HERC1: variants seen among roughly 807,000 people sequenced by gnomAD.
The protein encoded by HERC1 is probable E3 ubiquitin-protein ligase HERC1.
Under a neutral mutation model 554.3 loss-of-function variants are expected in HERC1, and 160 were observed. The ratio of observed to expected loss-of-function variants is 0.29; its 90% CI spans 0.25 to 0.33. The LOEUF (loss-of-function observed/expected upper bound fraction) is 0.33, where lower values mean the gene tolerates loss of function less well. Ranked by LOEUF, HERC1 falls within the 10% of genes least tolerant of loss-of-function variation. The probability of loss-of-function intolerance (pLI) is 1.00; values close to 1 mark genes in which losing one functional copy is unlikely to be tolerated. For missense variants in HERC1, 4,919 were observed against 5,918.5 expected (o/e 0.83, Z 5.54); for synonymous variants, 2,175 against 2,131.7 (o/e 1.02, Z -0.56).
Position 63,712,785 on chromosome 15 carries a change from C to T in HERC1, c.4574G>A (p.Gly1525Asp). 1 of 1,613,766 alleles carries T rather than the reference C, an allele frequency of 6.2e-7. No homozygotes were observed. The highest frequency in any genetic ancestry group is 8.5e-7 in the Non-Finnish European group (1 of 1,179,768). The change falls in exon 24 of 78, where the codon GGT becomes GAT. Residue 1525 changes from glycine (G) to aspartate (D), a missense_variant. Physicochemically the swap from Gly to Asp is moderately conservative, Grantham distance 94. Coordinates refer to ENST00000443617, the MANE Select transcript of HERC1 (RefSeq NM_003922.4). Reference sequence around the variant, plus strand: ...TCTGGGTATACCTACCAGTGCGTAACCCTCTTCATCTGATTCAGGCTGAGA... The same window carrying T: ...TCTGGGTATACCTACCAGTGCGTAATCCTCTTCATCTGATTCAGGCTGAGA... ...DLSQPESDEE[G>D]YALSGRRNVD... is the part of the protein sequence containing the mutation.
At chr15:63,728,430 G>GA (rs1356415781) in intron 16 of HERC1, among the ~76,000 whole-genome samples, 1 of 152,146 alleles carries the variant, frequency 6.6e-6, no homozygotes, top group East Asian at 1.9e-4. Flanking sequence ...AGCTCAGTTT[G>GA]AAAATATTTT....
In HERC1 at chr15:63,638,546, C is replaced by A. The variant is rs1030953523; in HGVS notation, c.11968-10G>T. The A allele has an allele frequency of 1.2e-6, 2 of 1,613,570 alleles. No individual in the cohort carries two copies. The highest frequency in any genetic ancestry group is 1.7e-5 in the Admixed American group (1 of 59,972). ...CTCCCAGGTGCCAGTCCTAGAAAAC[C>A]ACAATCATCTCAAAATTAGAGTCAT... On this transcript the variant is annotated splice_polypyrimidine_tract_variant and intron_variant, in intron 62 of 77. Coordinates refer to ENST00000443617, the MANE Select transcript of HERC1 (RefSeq NM_003922.4).
rs1292591269 is a variant in HERC1 at position 63,624,312 on chromosome 15, A to G, written c.13291T>C (p.Tyr4431His). The change falls in exon 72 of 78, where the codon TAT (tyrosine) becomes CAT (histidine). Residue 4431 changes from tyrosine (Y) to histidine (H), a missense_variant. Tyr to His is a moderately conservative substitution (Grantham distance 83). Coordinates refer to ENST00000443617, the MANE Select transcript of HERC1 (RefSeq NM_003922.4). The part of the protein sequence containing the change: ...SPNNQNSTSH[Y>H]NAGTWGIVQG... ...ACAATGCCCCAAGTTCCAGCATTAT[A>G]ATGGGATGTGCTGTTCTGTAACAGA... The G allele has an allele frequency of 3.7e-6, 6 of 1,610,110 alleles. No individual in the cohort carries two copies. The highest frequency in any genetic ancestry group is 5.1e-6 in the Non-Finnish European group (6 of 1,177,368).
chr15:63,729,972 G>A (rs569021763), intron 14 of HERC1, among the ~76,000 whole-genome samples: 4 of 141,526 alleles, frequency 2.8e-5, no homozygotes, highest in South Asian at 4.4e-4. Flanking sequence ...GTTGCAGTGA[G>A]CCAAGATCAC....
chr15:63,651,668 C>G (rs543322574), intron 52 of HERC1, among the ~76,000 whole-genome samples: 1 of 152,166 alleles, frequency 6.6e-6, no homozygotes, highest in Non-Finnish European at 1.5e-5. Flanking sequence ...GGTTATTATT[C>G]AGAAGACATT....
chr15:63,713,575 G>C lies in HERC1; in HGVS notation c.4241C>G (p.Ala1414Gly). The change falls in exon 23 of 78, where the codon GCT (alanine) becomes GGT (glycine). Residue 1414 changes from alanine (A) to glycine (G), a missense_variant. Coordinates refer to ENST00000443617, the MANE Select transcript of HERC1 (RefSeq NM_003922.4). ...MNSGAGSGARADDPPPQSQQE... is the reference protein window; with the variant it reads ...MNSGAGSGARGDDPPPQSQQE... ...CTGAGACTGAGGAGGTGGATCATCA[G>C]CTCGAGCCCCAGACCCTGCCCCACT... The C allele has an allele frequency of 3.7e-6, 6 of 1,613,920 alleles. No individual in the cohort carries two copies. Among genetic ancestry groups the C allele is most frequent in the Non-Finnish European group, 5.1e-6 (6 of 1,179,880 alleles).
At chr15:63,618,280 T>C (rs1595826090) in intron 74 of HERC1, among the ~76,000 whole-genome samples, 1 of 152,204 alleles carries the variant, frequency 6.6e-6, no homozygotes, top group East Asian at 1.9e-4. Context: ...CCCCATTTGT[T>C]TCTGTCAGGT....
chr15:63,773,424 A>G (rs2076010162), intron 2 of HERC1, among the ~76,000 whole-genome samples: 1 of 147,386 alleles, frequency 6.8e-6, no homozygotes, highest in Non-Finnish European at 1.5e-5. Context: ...CGCCTGGGTG[A>G]CAAGAGCTAG....
chr15:63,738,878 C>G (rs897994418), intron 12 of HERC1, among the ~76,000 whole-genome samples: 1 of 152,128 alleles, frequency 6.6e-6, no homozygotes, highest in Non-Finnish European at 1.5e-5. Context: ...TTACACTACC[C>G]CGTTTCTGAT....
At chr15:63,789,108 T>G (rs2076548985) in intron 1 of HERC1, among the ~76,000 whole-genome samples, 2 of 71,374 alleles carry the variant, frequency 2.8e-5, no homozygotes, top group African/African-American at 1.1e-4. Context: ...TTTTTTTTTT[T>G]GAGACGGAGT....
chr15:63,722,364 A>G (rs535066270), intron 19 of HERC1, among the ~76,000 whole-genome samples: 1 of 152,348 alleles, frequency 6.6e-6, no homozygotes, highest in African/African-American at 2.4e-5. Context: ...CCTTTCAGTC[A>G]TTAAACCATG....
Position 63,696,143 on chromosome 15 carries a change from C to T in HERC1, c.5102G>A (p.Gly1701Asp). ...VGHTGGKGESGRLHHYQDGIR... is the reference protein window; with the variant it reads ...VGHTGGKGESDRLHHYQDGIR... ...ACCTACCTGATAGTGATGCAATCGG[C>T]CACTCTCTCCCTTGCCTCCTGTGTG... Residue 1701 changes from glycine (G) to aspartate (D), a missense_variant, in exon 27 of 78, where the codon GGC becomes GAC. Physicochemically the swap from Gly to Asp is moderately conservative, Grantham distance 94. Transcript: ENST00000443617. 1 of 1,612,638 alleles carries T rather than the reference C, an allele frequency of 6.2e-7. No homozygotes were observed. The highest frequency in any genetic ancestry group is 8.5e-7 in the Non-Finnish European group (1 of 1,179,074).
At chr15:63,644,335 A>G (rs2069219559) in intron 57 of HERC1, among the ~76,000 whole-genome samples, 1 of 152,220 alleles carries the variant, frequency 6.6e-6, no homozygotes, top group Non-Finnish European at 1.5e-5. Flanking sequence ...AGTGTTTTAA[A>G]CAATTTTAAG....
rs71131178 is a variant in HERC1 at position 63,789,078 on chromosome 15, G to GTT, written c.-26-13431_-26-13430dup. On this transcript the variant is annotated intron_variant, in intron 1 of 77. Coordinates refer to ENST00000443617, the MANE Select transcript of HERC1 (RefSeq NM_003922.4). ...TCTACTAATAAAGCAGGAATAAAAG[G>GTT]TTTTTTTTTTTTTTTTTTTTTTTTT... 1.4e-3 allele frequency among the ~76,000 whole-genome samples: 117 copies of GTT among 83,606 alleles called. 7 individuals carry two copies. Among genetic ancestry groups the GTT allele is most frequent in the Middle Eastern group, 7.1e-3 (1 of 140 alleles). 54.8% of individuals were successfully genotyped at this position (83,606 alleles called of 152,430 possible).
At chr15:63,646,828 AC>A (rs1400722338) in intron 55 of HERC1, among the ~76,000 whole-genome samples, 61 of 104,404 alleles carry the variant, frequency 5.8e-4, no homozygotes, top group African/African-American at 1.5e-3. Context: ...AAACAAACAA[AC>A]AAAAACAAAA....
At chr15:63,722,875 G>C (rs1218678404) in intron 19 of HERC1, among the ~76,000 whole-genome samples, 1 of 152,040 alleles carries the variant, frequency 6.6e-6, no homozygotes, top group African/African-American at 2.4e-5. Flanking sequence ...AATCTACTGG[G>C]AGTCTTGGAA....
chr15:63,688,541 G>A (rs1291166712), intron 33 of HERC1, among the ~76,000 whole-genome samples: 1 of 152,154 alleles, frequency 6.6e-6, no homozygotes. Context: ...GTGGATTAAT[G>A]AGTCTGAATA....
chr15:63,829,539 ATGTATGTGTGTG>A (rs1476941512), intron 1 of HERC1, among the ~76,000 whole-genome samples: 980 of 64,544 alleles, frequency 0.015, 17 homozygotes, highest in African/African-American at 0.049. Context: ...GTGCACATAT[ATGTATGTGTGTG>A]TGTGTGTGTG....
intron 77 of HERC1, among the ~76,000 whole-genome samples, chr15:63,610,818 T>G (rs1425892460): frequency 1.3e-5 from 2 of 152,160 alleles, no homozygotes; most frequent in African/African-American, 2.4e-5. Context: ...TCATGGGCCC[T>G]GCTCAGAGAA....
Sources: gnomAD v4.1 joint callset for allele counts (sites outside exome capture counted in the v4.1 genomes callset) on GRCh38, gnomAD v4.1.1 for gene constraint, MANE v1.5 for transcripts, NCBI Gene and HGNC (gene_info 2026-07-23, HGNC 2026-07-21) for gene names.